CLOCK: variants seen among roughly 807,000 people sequenced by gnomAD.
The protein encoded by CLOCK is circadian locomoter output cycles protein kaput.
CLOCK carries 43 observed loss-of-function variants against 118.4 expected under a neutral mutation model. The ratio of observed to expected loss-of-function variants is 0.36; its 90% CI spans 0.28 to 0.47. The LOEUF (loss-of-function observed/expected upper bound fraction) is 0.47. Ranked by LOEUF, CLOCK falls within the 20% of genes least tolerant of loss-of-function variation. The pLI, the probability that CLOCK is intolerant of heterozygous loss-of-function variation, is 1.00. For missense variants in CLOCK, 846 were observed against 999.9 expected (o/e 0.85, Z 2.08); for synonymous variants, 326 against 339.2 (o/e 0.96, Z 0.43).
At chr4:55,467,329 G>A (rs1343908081) in intron 8 of CLOCK, among the ~76,000 whole-genome samples, 1 of 152,150 alleles carries the variant, frequency 6.6e-6, no homozygotes, top group East Asian at 1.9e-4. Context: ...GACGCTCCAA[G>A]GAACTAGCTA....
Position 55,444,729 on chromosome 4 carries a change from T to C in CLOCK, c.1596A>G (p.Gln532=), listed in dbSNP as rs773274603. 4.3e-6 allele frequency: 7 copies of C among 1,614,110 alleles called. No homozygotes were observed. Among genetic ancestry groups the C allele is most frequent in the Admixed American group, 3.3e-5 (2 of 60,030 alleles). Residue 532 remains glutamine (Q), a synonymous_variant, in exon 19 of 23, where the codon CAA becomes CAG. Coordinates refer to ENST00000513440, the MANE Select transcript of CLOCK (RefSeq NM_004898.4). ...AMQHLKDQLE[Q]RTRMIEANIH... Reference sequence around the variant, plus strand: ...TATTTGCTTCTATCATGCGTGTCCGTTGTTCCAATTGGTCTTTCAGATGTT... The same window carrying C: ...TATTTGCTTCTATCATGCGTGTCCGCTGTTCCAATTGGTCTTTCAGATGTT...
intron 2 of CLOCK, among the ~76,000 whole-genome samples, chr4:55,491,322 TAG>T (rs1232794152): frequency 1.0e-5 from 1 of 98,066 alleles, no homozygotes; most frequent in Non-Finnish European, 2.1e-5. Flanking sequence ...ACAAAGCCCA[TAG>T]AGAGCAGAAG....
Position 55,460,393 on chromosome 4 carries a change from T to A in CLOCK, c.560-1132A>T, listed in dbSNP as rs566834580. Among the ~76,000 whole-genome samples the A allele has an allele frequency of 3.3e-5, 5 of 152,232 alleles. 1 individual carries two copies. Among genetic ancestry groups the A allele is most frequent in the Middle Eastern group, 3.2e-3 (1 of 316 alleles). ...AGGACATTCGAACTTGATTGTCCCA[T>A]TAGTAACTTAAATTCAAAATACTTG... On this transcript the variant is annotated intron_variant, in intron 9 of 22. Coordinates refer to ENST00000513440, the MANE Select transcript of CLOCK (RefSeq NM_004898.4).
chr4:55,478,742 T>C (rs1726712358), intron 6 of CLOCK, 73 bp downstream of exon 6: 5 of 1,464,212 alleles, frequency 3.4e-6, no homozygotes, highest in Non-Finnish European at 4.8e-6. Flanking sequence ...AAGCATCCAA[T>C]CTTAAGCATC....
chr4:55,494,545 T>G (rs1341067490), intron 2 of CLOCK, among the ~76,000 whole-genome samples: 1 of 151,740 alleles, frequency 6.6e-6, no homozygotes, highest in Non-Finnish European at 1.5e-5. Flanking sequence ...AATGATACAA[T>G]GGACCATGGG....
chr4:55,442,177 T>A, intron 21 of CLOCK: 1 of 461,022 alleles, frequency 2.2e-6, no homozygotes, highest in African/African-American at 2.0e-5. Context: ...TTTCTAACAG[T>A]GTGCTGCAGA....
At chr4:55,531,703 C>CAAAAAAAAAAAA (rs373796432) in intron 1 of CLOCK, among the ~76,000 whole-genome samples, 2 of 41,278 alleles carry the variant, frequency 4.8e-5, no homozygotes, top group Non-Finnish European at 8.4e-5. Flanking sequence ...GACTTCGTCT[C>CAAAAAAAAAAAA]AAAAAAAAAA....
intron 4 of CLOCK, among the ~76,000 whole-genome samples, chr4:55,480,180 T>G (rs776637077): frequency 5.3e-5 from 8 of 152,362 alleles, no homozygotes; most frequent in Non-Finnish European, 8.8e-5. Flanking sequence ...TTGACAAATA[T>G]GTATTAGCAC....
chr4:55,476,545 T>C (rs1338908571), intron 6 of CLOCK, among the ~76,000 whole-genome samples: 2 of 152,176 alleles, frequency 1.3e-5, no homozygotes, highest in Non-Finnish European at 2.9e-5. Flanking sequence ...CTTCCCAACA[T>C]TAAGTGCTCT....
At chr4:55,535,426 G>A (rs80166859) in intron 1 of CLOCK, among the ~76,000 whole-genome samples, 1,553 of 152,064 alleles carry the variant, frequency 0.01, 17 homozygotes, top group Middle Eastern at 0.048. Flanking sequence ...AATGACAGGC[G>A]CCAGCTAGAG....
At chr4:55,497,393 T>G (rs1728149499) in intron 2 of CLOCK, among the ~76,000 whole-genome samples, 1 of 152,202 alleles carries the variant, frequency 6.6e-6, no homozygotes, top group South Asian at 2.1e-4. Flanking sequence ...CAACCTTAAT[T>G]ATTCCTTGCC....
chr4:55,455,580 C>T (rs998678649), intron 13 of CLOCK, among the ~76,000 whole-genome samples: 1 of 152,072 alleles, frequency 6.6e-6, no homozygotes, highest in Non-Finnish European at 1.5e-5. Context: ...ATTTAGGAAA[C>T]AATACTCCAA....
At chr4:55,476,800 TTTTC>T (rs1222753396) in intron 6 of CLOCK, among the ~76,000 whole-genome samples, 3 of 152,146 alleles carry the variant, frequency 2.0e-5, no homozygotes, top group Non-Finnish European at 4.4e-5. Flanking sequence ...TAACAAATGT[TTTTC>T]TATTTTTTAA....
intron 1 of CLOCK, among the ~76,000 whole-genome samples, chr4:55,514,668 T>C (rs1729377323): frequency 6.6e-6 from 1 of 152,198 alleles, no homozygotes; most frequent in Non-Finnish European, 1.5e-5. Context: ...TATGATCATA[T>C]GATTTGGTTT....
intron 22 of CLOCK, among the ~76,000 whole-genome samples, chr4:55,436,787 A>G (rs1386450167): frequency 6.6e-6 from 1 of 152,146 alleles, no homozygotes; most frequent in African/African-American, 2.4e-5. Flanking sequence ...TAGGTATTAC[A>G]TAATTTAGAA....
intron 18 of CLOCK, among the ~76,000 whole-genome samples, 161 bp downstream of exon 18, chr4:55,448,603 TGTGTGTGTGTGTGTG>T (rs1339963927): frequency 7.2e-4 from 20 of 27,922 alleles, no homozygotes; most frequent in African/African-American, 3.5e-3. Context: ...CACGCGCGCG[TGTGTGTGTGTGTGTG>T]TGTGTGTGTG....
rs114854632 is a variant in CLOCK, at chr4:55,440,850, C to T, written c.2105+1582G>A. On this transcript the variant is annotated intron_variant, in intron 21 of 22. Coordinates refer to ENST00000513440, the MANE Select transcript of CLOCK (RefSeq NM_004898.4). The stretch of plus-strand genomic sequence containing the variant: ...GCCTCCCTAGACTCCATGCCACACC[C>T]ACATCCAAAGCCAAGCTCAAGTCTT... Among the ~76,000 whole-genome samples the T allele has an allele frequency of 6.3e-3, 954 of 152,248 alleles. 3 individuals are homozygous for T. Among genetic ancestry groups the T allele is most frequent in the South Asian group, 0.019 (91 of 4,824 alleles).
At chr4:55,521,992 T>C (rs1284934742) in intron 1 of CLOCK, among the ~76,000 whole-genome samples, 2 of 152,196 alleles carry the variant, frequency 1.3e-5, no homozygotes, top group Non-Finnish European at 2.9e-5. Context: ...TAGAGTCATA[T>C]GTATATTAAA....
chr4:55,441,848 G>A (rs1409616418), intron 21 of CLOCK, among the ~76,000 whole-genome samples: 1 of 152,154 alleles, frequency 6.6e-6, no homozygotes, highest in East Asian at 1.9e-4. Flanking sequence ...AAACCTTCCT[G>A]TAATATATGC....
Sources: gnomAD v4.1 joint callset for allele counts (sites outside exome capture counted in the v4.1 genomes callset) on GRCh38, gnomAD v4.1.1 for gene constraint, MANE v1.5 for transcripts, NCBI Gene and HGNC (gene_info 2026-07-23, HGNC 2026-07-21) for gene names.